CDH12: variants seen among roughly 807,000 people sequenced by gnomAD.
The protein encoded by CDH12 is cadherin 12.
CDH12 carries 41 observed loss-of-function variants against 74.1 expected under a neutral mutation model. That is an observed-to-expected ratio of 0.55 (90% CI 0.43 to 0.72). The LOEUF is 0.72. CDH12 is among the 30% of genes least tolerant of loss of function. CDH12 has a pLI of 0.00. For synonymous variants in CDH12, 399 were observed against 355.0 expected (o/e 1.12, Z -1.39); for missense variants, 945 against 977.2 (o/e 0.97, Z 0.44).
intron 5 of CDH12, among the ~76,000 whole-genome samples, chr5:22,028,361 C>T (rs1464064511): frequency 6.6e-6 from 1 of 151,906 alleles, no homozygotes. Context: ...TCTAGAAAAC[C>T]CCATTGTCTC....
At chr5:22,817,660 C>A (rs866711663) in intron 1 of CDH12, among the ~76,000 whole-genome samples, 1 of 151,984 alleles carries the variant, frequency 6.6e-6, no homozygotes, top group Non-Finnish European at 1.5e-5. Context: ...TAAATTTGTT[C>A]ATTGGGAAGA....
At chr5:22,301,640 T>C (rs565853786) in intron 3 of CDH12, among the ~76,000 whole-genome samples, 30 of 151,430 alleles carry the variant, frequency 2.0e-4, no homozygotes, top group African/African-American at 7.3e-4. Flanking sequence ...TATTTTTTAA[T>C]TTTTTTTTCA....
At chr5:22,167,767 G>A (rs1285725728) in intron 4 of CDH12, among the ~76,000 whole-genome samples, 2 of 152,010 alleles carry the variant, frequency 1.3e-5, no homozygotes, top group Non-Finnish European at 2.9e-5. Context: ...TACTATGTCT[G>A]TGACTCCCTT....
At chr5:22,352,428 C>A (rs965932775) in intron 3 of CDH12, among the ~76,000 whole-genome samples, 1 of 151,828 alleles carries the variant, frequency 6.6e-6, no homozygotes, top group African/African-American at 2.4e-5. Context: ...AACAAAAACC[C>A]CTACAATGTA....
intron 4 of CDH12, among the ~76,000 whole-genome samples, chr5:22,082,416 C>T (rs1270724104): frequency 6.6e-6 from 1 of 152,064 alleles, no homozygotes; most frequent in Non-Finnish European, 1.5e-5. Flanking sequence ...AGTCTGCTAA[C>T]CAAGAAGGCT....
Position 22,242,960 on chromosome 5 carries a change from C to CT in CDH12, c.-332-30318dup, listed in dbSNP as rs898629318. ...TGGTCTGATTTATTCCCCATCCCCGCTTTTTTTTAATGTTTAGTACTTATA... is the reference window on the plus strand; with the variant it reads ...TGGTCTGATTTATTCCCCATCCCCGCTTTTTTTTTAATGTTTAGTACTTATA... On this transcript the variant is annotated intron_variant, in intron 3 of 14. Coordinates refer to ENST00000382254, the MANE Select transcript of CDH12 (RefSeq NM_004061.5). 6.6e-5 allele frequency among the ~76,000 whole-genome samples: 10 copies of CT among 151,806 alleles called. No homozygotes were observed. In the East Asian group the frequency reaches 1.2e-3, roughly 18 times the overall value.
intron 1 of CDH12, among the ~76,000 whole-genome samples, chr5:22,849,528 T>G (rs1737454817): frequency 6.6e-6 from 1 of 152,130 alleles, no homozygotes; most frequent in Non-Finnish European, 1.5e-5. Flanking sequence ...TGACTATGTA[T>G]TTGGACTTGG....
intron 2 of CDH12, among the ~76,000 whole-genome samples, chr5:22,468,098 C>A (rs1745807197): frequency 6.6e-6 from 1 of 152,160 alleles, no homozygotes; most frequent in Admixed American, 6.5e-5. Context: ...AGTGAAAGCT[C>A]TACTCTCAGG....
chr5:22,745,092 T>C (rs982556176), intron 1 of CDH12, among the ~76,000 whole-genome samples: 1 of 151,740 alleles, frequency 6.6e-6, no homozygotes, highest in Non-Finnish European at 1.5e-5. Flanking sequence ...TTGGCCTATC[T>C]ATAGTTATAC....
At chr5:22,571,348 C>T (rs188700544) in intron 1 of CDH12, among the ~76,000 whole-genome samples, 92 of 150,932 alleles carry the variant, frequency 6.1e-4, no homozygotes, top group Admixed American at 4.0e-3. Context: ...TTTTTGGAAA[C>T]GGAATTTCAC....
intron 1 of CDH12, among the ~76,000 whole-genome samples, chr5:22,513,598 C>T (rs199361): frequency 0.049 from 7,463 of 152,010 alleles, 295 homozygotes; most frequent in East Asian, 0.16. Flanking sequence ...TTCAAAATAC[C>T]ATGGGAGTCC....
intron 10 of CDH12, among the ~76,000 whole-genome samples, chr5:21,793,487 C>T (rs187197291): frequency 4.1e-4 from 62 of 151,624 alleles, no homozygotes; most frequent in Non-Finnish European, 6.2e-4. Context: ...AATATTCAAA[C>T]GTATTTATTC....
At chr5:22,571,415 C>A in intron 1 of CDH12, among the ~76,000 whole-genome samples, 1 of 152,160 alleles carries the variant, frequency 6.6e-6, no homozygotes. Flanking sequence ...CAACCTCCGC[C>A]TCCTGAGTTA....
intron 1 of CDH12, among the ~76,000 whole-genome samples, chr5:22,727,713 A>C (rs1342469257): frequency 2.6e-5 from 4 of 151,714 alleles, no homozygotes; most frequent in Non-Finnish European, 5.9e-5. Context: ...ATTTTAGGTA[A>C]AGGAATTCTA....
chr5:22,443,871 C>T (rs1744718166), intron 2 of CDH12, among the ~76,000 whole-genome samples: 1 of 151,822 alleles, frequency 6.6e-6, no homozygotes, highest in Non-Finnish European at 1.5e-5. Context: ...ATAAAGCATA[C>T]ACATGTGTAT....
intron 1 of CDH12, among the ~76,000 whole-genome samples, chr5:22,847,056 A>T (rs1193677413): frequency 6.6e-6 from 1 of 152,190 alleles, no homozygotes; most frequent in Non-Finnish European, 1.5e-5. Flanking sequence ...TCTCAACAAC[A>T]GTTGTTATAC....
At chr5:22,646,475 A>G (rs139951517) in intron 1 of CDH12, among the ~76,000 whole-genome samples, 5 of 151,984 alleles carry the variant, frequency 3.3e-5, no homozygotes, top group African/African-American at 1.2e-4. Flanking sequence ...AACTAAGGGA[A>G]CTCAATATTC....
At chr5:22,295,504 A>C (rs1214371394) in intron 3 of CDH12, among the ~76,000 whole-genome samples, 1 of 152,152 alleles carries the variant, frequency 6.6e-6, no homozygotes, top group Non-Finnish European at 1.5e-5. Context: ...GAAAAACCAC[A>C]CTTAGTAATA....
chr5:22,606,708 T>G (rs960134517), intron 1 of CDH12, among the ~76,000 whole-genome samples: 1 of 152,100 alleles, frequency 6.6e-6, no homozygotes, highest in South Asian at 2.1e-4. Flanking sequence ...AGCATGAAAA[T>G]GGACTAATAC....
Sources: allele counts gnomAD v4.1 joint callset (sites outside exome capture counted in the v4.1 genomes callset), GRCh38; gene constraint gnomAD v4.1.1; transcripts MANE v1.5; gene names NCBI Gene and HGNC (gene_info 2026-07-23, HGNC 2026-07-21).